COX14: variants seen among roughly 807,000 people sequenced by gnomAD.
COX14 encodes cytochrome c oxidase assembly protein COX14.
A neutral mutation model predicts 5.8 loss-of-function variants in COX14; 3 were observed. The observed-to-expected ratio is 0.51, with a 90% CI of 0.23 to 1.33. The LOEUF (loss-of-function observed/expected upper bound fraction) is 1.33, where lower values mean the gene tolerates loss of function less well. Among genes scored for constraint, COX14 ranks in the 40% most tolerant of loss-of-function variants. The pLI, the probability that COX14 is intolerant of heterozygous loss-of-function variation, is 0.18. For missense variants in COX14, 72 were observed against 72.1 expected, an observed-to-expected ratio of 1.00 and a Z score of 0.01; for synonymous variants, 25 against 26.1, an observed-to-expected ratio of 0.96 and a Z score of 0.13.
intron 1 of COX14, among the ~76,000 whole-genome samples, chr12:50,119,830 C>T (rs1366448250): frequency 6.6e-6 from 1 of 152,170 alleles, no homozygotes; most frequent in Non-Finnish European, 1.5e-5. Context: ...CTTGTAGGCA[C>T]ATTTTATTTG....
At chr12:50,113,026 T>C (rs904104419) in intron 1 of COX14, 1 of 149,744 alleles carries the variant, frequency 6.7e-6, no homozygotes, top group Non-Finnish European at 1.5e-5. Flanking sequence ...AAAAAGGTTT[T>C]TTTTTTGTTG....
chr12:50,116,067 C>T (rs1857245729), intron 1 of COX14, among the ~76,000 whole-genome samples: 1 of 151,562 alleles, frequency 6.6e-6, no homozygotes, highest in South Asian at 2.1e-4. Context: ...CTACTGCTAC[C>T]ACTGCTTTAG....
At chr12:50,115,118 C>T (rs936032444) in intron 1 of COX14, among the ~76,000 whole-genome samples, 1 of 140,570 alleles carries the variant, frequency 7.1e-6, no homozygotes, top group African/African-American at 2.7e-5. Context: ...GTTGCCTAGG[C>T]GTAGTCTTGA....
At chr12:50,118,800 T>C (rs1951105538) in intron 1 of COX14, among the ~76,000 whole-genome samples, 1 of 152,152 alleles carries the variant, frequency 6.6e-6, no homozygotes, top group Admixed American at 6.6e-5. Context: ...ATATGTATTT[T>C]TTATTTTATT....
At chr12:50,115,466 T>C (rs1426198158) in intron 1 of COX14, among the ~76,000 whole-genome samples, 5 of 149,442 alleles carry the variant, frequency 3.3e-5, no homozygotes, top group African/African-American at 4.9e-5. Flanking sequence ...CCACCCGCCT[T>C]GGCCTCCCAA....
At position 50,112,256 on chromosome 12, in the gene COX14, T is replaced by A; in HGVS notation, c.-54T>A. 3 of 978,498 alleles carry A rather than the reference T, an allele frequency of 3.1e-6. No homozygotes were observed. Among genetic ancestry groups the A allele is most frequent in the Non-Finnish European group, 3.6e-6 (3 of 823,544 alleles). 60.6% of individuals were successfully genotyped at this position (978,498 alleles called of 1,614,324 possible). On this transcript the variant is annotated 5_prime_UTR_variant, in exon 1 of 2. Coordinates refer to ENST00000550487, the MANE Select transcript of COX14 (RefSeq NM_032901.4). ...TAGACAGTGGCCTCGAGACCCTGCC[T>A]GCCTGAGGAGGCCTCGGTTGGATGC...
chr12:50,120,277 C>A lies in COX14; in HGVS notation c.*60C>A. The A allele has an allele frequency of 7.1e-7, 1 of 1,412,986 alleles. No homozygotes were observed. The highest frequency in any genetic ancestry group is 9.8e-7 in the Non-Finnish European group (1 of 1,024,514). The allele number at this position is 1,412,986 out of a possible 1,614,324, so 87.5% of individuals were successfully genotyped here. ...CAAGGCATGCTGTGGAGAGACTTCACCTGCCACCATTTCCAGGTCAACAGG... is the reference window on the plus strand; with the variant it reads ...CAAGGCATGCTGTGGAGAGACTTCAACTGCCACCATTTCCAGGTCAACAGG... On this transcript the variant is annotated 3_prime_UTR_variant, in exon 2 of 2. Transcript: ENST00000550487.
chr12:50,118,604 A>C (rs1341842708), intron 1 of COX14: 1 of 172,332 alleles, frequency 5.8e-6, no homozygotes, highest in Non-Finnish European at 1.2e-5. Flanking sequence ...CATCTCTACT[A>C]AAAATACAAA....
At chr12:50,114,236 A>C (rs985147910) in intron 1 of COX14, among the ~76,000 whole-genome samples, 50 of 151,406 alleles carry the variant, frequency 3.3e-4, no homozygotes, top group Non-Finnish European at 5.0e-4. Context: ...AAAAAAAAAA[A>C]AACAGGTGTT....
At chr12:50,114,147 A>G (rs915989886) in intron 1 of COX14, among the ~76,000 whole-genome samples, 2 of 149,354 alleles carry the variant, frequency 1.3e-5, no homozygotes, top group Non-Finnish European at 3.0e-5. Context: ...GGAAAGATAC[A>G]GTACACCTCC....
intron 1 of COX14, 59 bp from the exon 2 acceptor site, chr12:50,119,977 G>A (rs1464574612): frequency 7.4e-7 from 1 of 1,343,656 alleles, no homozygotes; most frequent in Non-Finnish European, 1.1e-6. Context: ...GTTAAACAGG[G>A]AGATGGGCTG....
chr12:50,112,609 C>G, intron 1 of COX14: 1 of 380,390 alleles, frequency 2.6e-6, no homozygotes, highest in African/African-American at 2.2e-5. Flanking sequence ...ACCTCTGCGT[C>G]CTGATAAGTG....
intron 1 of COX14, 86 bp downstream of exon 1, chr12:50,112,387 C>G (rs1951033160): frequency 9.1e-6 from 9 of 985,704 alleles, no homozygotes; most frequent in Non-Finnish European, 1.1e-5. Context: ...GCCGCGTCCT[C>G]CCATCCCCTA....
chr12:50,112,330 G>A lies in COX14; in HGVS notation c.-9+29G>A, dbSNP rs539435317. The A allele has an allele frequency of 5.1e-6, 5 of 985,490 alleles. No individual in the cohort carries two copies. The African/African-American group carries it at 7.0e-5, about 14-fold the overall frequency. 61.0% of individuals were successfully genotyped at this position (985,490 alleles called of 1,614,324 possible). A position where few individuals can be genotyped will look rare whatever the true frequency, so the allele number is the denominator to read the frequency against. The stretch of plus-strand genomic sequence containing the variant: ...CGCTGCCGGCTAGGGCCGAGCAGGG[G>A]CTGCCAGTCCCACTGCCTGCGCGCC... On this transcript the variant is annotated intron_variant, in intron 1 of 1. Transcript: ENST00000550487.
chr12:50,119,261 CA>C (rs1951109047), intron 1 of COX14, among the ~76,000 whole-genome samples: 1 of 152,308 alleles, frequency 6.6e-6, no homozygotes, highest in African/African-American at 2.4e-5. Flanking sequence ...TATGGGGAAA[CA>C]AATTGGATAT....
intron 1 of COX14, among the ~76,000 whole-genome samples, chr12:50,118,233 G>C (rs931812179): frequency 3.3e-5 from 5 of 151,730 alleles, no homozygotes; most frequent in Non-Finnish European, 5.9e-5. Context: ...TTTTAGTAGA[G>C]ACAGGGTTTC....
chr12:50,116,680 G>A (rs561041216), intron 1 of COX14, among the ~76,000 whole-genome samples: 7 of 152,286 alleles, frequency 4.6e-5, no homozygotes, highest in East Asian at 1.9e-4. Context: ...CTTTGCAGGC[G>A]GCTTAGCGTT....
intron 1 of COX14, among the ~76,000 whole-genome samples, chr12:50,119,071 C>T (rs1353897331): frequency 6.6e-6 from 1 of 152,136 alleles, no homozygotes; most frequent in African/African-American, 2.4e-5. Flanking sequence ...CAGTAAGTTT[C>T]TTTTTAGCCT....
chr12:50,116,457 G>A (rs1249193759), intron 1 of COX14, among the ~76,000 whole-genome samples: 1 of 152,230 alleles, frequency 6.6e-6, no homozygotes, highest in Non-Finnish European at 1.5e-5. Context: ...AGAGAGGGAA[G>A]GTAAGGTTCT....
Sources: allele counts gnomAD v4.1 joint callset (sites outside exome capture counted in the v4.1 genomes callset), GRCh38; gene constraint gnomAD v4.1.1; transcripts MANE v1.5; gene names NCBI Gene and HGNC (gene_info 2026-07-23, HGNC 2026-07-21).